The following RASGRP3 variants were observed in gnomAD, a reference collection of about 807,000 sequenced individuals.
RASGRP3 encodes the protein RAS guanyl releasing protein 3.
Under a neutral mutation model 82.7 loss-of-function variants are expected in RASGRP3, and 54 were observed. That is an observed-to-expected ratio of 0.65 (90% CI 0.52 to 0.82). The LOEUF is 0.82. Ranked by LOEUF, RASGRP3 falls within the 40% of genes least tolerant of loss-of-function variation. The pLI is 0.00. For missense variants in RASGRP3, 861 were observed against 828.9 expected (o/e 1.04, Z -0.48); for synonymous variants, 309 against 300.5 (o/e 1.03, Z -0.29).
At position 33,543,632 on chromosome 2, in the gene RASGRP3, G is replaced by A. The variant is rs748583064; in HGVS notation, c.1394+5G>A. ...CTGTGTTCTGGACAAAGATCAGTAA[G>A]TTTTAATTTTGTTTTATTTTAATGC... On this transcript the variant is annotated splice_donor_5th_base_variant and intron_variant, in intron 13 of 17. Coordinates refer to ENST00000403687, the MANE Select transcript of RASGRP3 (RefSeq NM_001139488.2). The A allele has an allele frequency of 1.3e-6, 2 of 1,556,322 alleles. No individual in the cohort carries two copies. Among genetic ancestry groups the A allele is most frequent in the Non-Finnish European group, 1.8e-6 (2 of 1,134,314 alleles).
chr2:33,474,989 T>A (rs1473397489), upstream of RASGRP3, among the ~76,000 whole-genome samples: 1 of 152,194 alleles, frequency 6.6e-6, no homozygotes, highest in Non-Finnish European at 1.5e-5. Context: ...AAGTGATGGA[T>A]GGATGCCATC....
At chr2:33,467,998 TTCTTTCTTTC>T (rs1666812942) in intron 2 of RASGRP3, among the ~76,000 whole-genome samples, 1 of 112,692 alleles carries the variant, frequency 8.9e-6, no homozygotes, top group Non-Finnish European at 1.7e-5. Flanking sequence ...CTTTCTTTCT[TTCTTTCTTTC>T]TTTCTTTCTT....
At chr2:33,446,835 A>C (rs939426476) in intron 1 of RASGRP3, among the ~76,000 whole-genome samples, 1 of 151,984 alleles carries the variant, frequency 6.6e-6, no homozygotes, top group East Asian at 1.9e-4. Context: ...TTAAAAAAAT[A>C]TATCAATAGA....
intron 2 of RASGRP3, among the ~76,000 whole-genome samples, chr2:33,470,074 TA>T (rs1477600096): frequency 6.6e-6 from 1 of 152,162 alleles, no homozygotes; most frequent in Non-Finnish European, 1.5e-5. Context: ...GGTTCTTTTC[TA>T]AAATTTTCTT....
At position 33,563,467 on chromosome 2, in the gene RASGRP3, C is replaced by T. The variant is rs1029209806; in HGVS notation, c.*730C>T. 1.3e-5 allele frequency: 2 copies of T among 149,640 alleles called. No homozygotes were observed. Among genetic ancestry groups the T allele is most frequent in the Non-Finnish European group, 3.0e-5 (2 of 66,708 alleles). 9.3% of individuals were successfully genotyped at this position (149,640 alleles called of 1,614,324 possible). ...CTATAGCATGGTCGTGAAAGCTCTC[C>T]TAATACTTACTTAAATAGCCATGGA... On this transcript the variant is annotated 3_prime_UTR_variant, in exon 18 of 18. Coordinates refer to ENST00000403687, the MANE Select transcript of RASGRP3 (RefSeq NM_001139488.2).
At chr2:33,508,445 C>T (rs1050088978) in intron 1 of RASGRP3, among the ~76,000 whole-genome samples, 2 of 152,082 alleles carry the variant, frequency 1.3e-5, no homozygotes, top group African/African-American at 4.8e-5. Flanking sequence ...GGGATCCATG[C>T]ACAGGTGGAG....
intron 1 of RASGRP3, among the ~76,000 whole-genome samples, chr2:33,502,405 A>G (rs753211550): frequency 6.6e-6 from 1 of 151,990 alleles, no homozygotes; most frequent in African/African-American, 2.4e-5. Flanking sequence ...CACTTTAGTA[A>G]ATTACAATTG....
upstream of RASGRP3, among the ~76,000 whole-genome samples, chr2:33,473,531 G>A (rs1049103719): frequency 1.3e-5 from 2 of 152,230 alleles, no homozygotes; most frequent in Non-Finnish European, 2.9e-5. Flanking sequence ...GACACAGGGT[G>A]AGACACAAAG....
At chr2:33,558,411 C>G (rs1336608811) in intron 16 of RASGRP3, 75 bp downstream of exon 16, 2 of 1,604,854 alleles carry the variant, frequency 1.2e-6, no homozygotes, top group African/African-American at 2.7e-5. Flanking sequence ...CATTTAGGTT[C>G]TGGGTCTAAA....
At chr2:33,562,181 C>T (rs1198163641) in intron 17 of RASGRP3, among the ~76,000 whole-genome samples, 1 of 151,914 alleles carries the variant, frequency 6.6e-6, no homozygotes, top group African/African-American at 2.4e-5. Flanking sequence ...ATTTGTGGTA[C>T]ACCCTTTAAG....
At chr2:33,553,079 C>A (rs1675530157) in intron 14 of RASGRP3, among the ~76,000 whole-genome samples, 1 of 151,110 alleles carries the variant, frequency 6.6e-6, no homozygotes, top group African/African-American at 2.4e-5. Flanking sequence ...ACCCCCAGCA[C>A]CCTTGCTTGA....
intron 2 of RASGRP3, among the ~76,000 whole-genome samples, chr2:33,448,269 G>A (rs1294901118): frequency 1.3e-5 from 2 of 151,950 alleles, no homozygotes; most frequent in Non-Finnish European, 2.9e-5. Flanking sequence ...TTTTCCAAGA[G>A]TTTCTTCTCT....
At chr2:33,543,961 C>T (rs574002912) in intron 13 of RASGRP3, among the ~76,000 whole-genome samples, 1 of 152,244 alleles carries the variant, frequency 6.6e-6, no homozygotes, top group South Asian at 2.1e-4. Context: ...TTAGATCTAA[C>T]CTGGGAGAGT....
intron 1 of RASGRP3, among the ~76,000 whole-genome samples, chr2:33,509,564 G>A (rs896745420): frequency 6.6e-6 from 1 of 152,140 alleles, no homozygotes; most frequent in Non-Finnish European, 1.5e-5. Context: ...TTTAGTCATT[G>A]TAAATGTCTT....
intron 11 of RASGRP3, among the ~76,000 whole-genome samples, chr2:33,534,749 G>C (rs1169848238): frequency 8.8e-6 from 1 of 113,162 alleles, no homozygotes; most frequent in Non-Finnish European, 1.8e-5. Context: ...TCACTATGTT[G>C]GCCCCGGCTG....
At chr2:33,486,115 T>C (rs1389733795) in intron 1 of RASGRP3, among the ~76,000 whole-genome samples, 6 of 152,082 alleles carry the variant, frequency 3.9e-5, no homozygotes, top group African/African-American at 1.2e-4. Flanking sequence ...TCATACAAGA[T>C]GATTCACTTG....
chr2:33,538,370 G>A (rs974755173), intron 11 of RASGRP3, among the ~76,000 whole-genome samples: 2 of 152,062 alleles, frequency 1.3e-5, no homozygotes, highest in African/African-American at 2.4e-5. Context: ...GGGCTTGATG[G>A]TGGGTATCTG....
At chr2:33,503,742 A>G (rs1670091983) in intron 1 of RASGRP3, among the ~76,000 whole-genome samples, 2 of 152,176 alleles carry the variant, frequency 1.3e-5, no homozygotes, top group South Asian at 4.1e-4. Flanking sequence ...TAGGAGCAAA[A>G]TGTTTTCACT....
At chr2:33,516,916 T>A (rs1671519581) in intron 4 of RASGRP3, 1 of 277,664 alleles carries the variant, frequency 3.6e-6, no homozygotes, top group Non-Finnish European at 6.7e-6. Flanking sequence ...TAACTTGTCT[T>A]AAACATTTCT....
Sources: allele counts gnomAD v4.1 joint callset (sites outside exome capture counted in the v4.1 genomes callset), GRCh38; gene constraint gnomAD v4.1.1; transcripts MANE v1.5; gene names NCBI Gene and HGNC (gene_info 2026-07-23, HGNC 2026-07-21).